FARSB: variants seen among roughly 807,000 people sequenced by gnomAD.
FARSB encodes phenylalanine--tRNA ligase beta subunit.
A neutral mutation model predicts 69.6 loss-of-function variants in FARSB; 40 were observed. The observed-to-expected ratio is 0.57, with a 90% CI of 0.45 to 0.75. The LOEUF is 0.75. Among genes scored for constraint, FARSB ranks in the 30% least tolerant of loss-of-function variants. The pLI is 0.00. For synonymous variants in FARSB, 235 were observed against 247.2 expected, an observed-to-expected ratio of 0.95 and a Z score of 0.46; for missense variants, 632 against 722.9, an observed-to-expected ratio of 0.87 and a Z score of 1.44.
chr2:222,655,875 T>C, intron 1 of FARSB, 141 bp downstream of exon 1: 1 of 673,984 alleles, frequency 1.5e-6, no homozygotes, highest in Non-Finnish European at 2.7e-6. Flanking sequence ...ACCGCCACCA[T>C]CATCGGCCTT....
intron 15 of FARSB, among the ~76,000 whole-genome samples, chr2:222,613,003 C>T (rs1690897666): frequency 6.6e-6 from 1 of 152,176 alleles, no homozygotes. Flanking sequence ...ACTAGAATGA[C>T]ATGATATCAA....
At chr2:222,614,409 C>A (rs1029493746) in intron 14 of FARSB, among the ~76,000 whole-genome samples, 9 of 152,198 alleles carry the variant, frequency 5.9e-5, no homozygotes, top group African/African-American at 1.4e-4. Flanking sequence ...CAGGTACACA[C>A]CACTGCACCC....
intron 15 of FARSB, among the ~76,000 whole-genome samples, chr2:222,600,821 A>C (rs1559197598): frequency 6.6e-6 from 1 of 152,196 alleles, no homozygotes; most frequent in Non-Finnish European, 1.5e-5. Flanking sequence ...TCATATAAGA[A>C]GCTTAGGATA....
intron 16 of FARSB, among the ~76,000 whole-genome samples, chr2:222,590,103 T>A (rs1169340666): frequency 6.6e-6 from 1 of 152,080 alleles, no homozygotes; most frequent in Non-Finnish European, 1.5e-5. Context: ...TAGCAAAGAC[T>A]TGGAACCAAC....
chr2:222,630,141 AC>A lies in FARSB; in HGVS notation c.819del (p.Met273IlefsTer30), dbSNP rs777350879. On this transcript the variant is annotated frameshift_variant, in exon 9 of 17. Coordinates refer to ENST00000281828, the MANE Select transcript of FARSB (RefSeq NM_005687.5). LOFTEE classifies it high-confidence loss of function. Reference protein sequence around the residue: ...AKIVLDIIVTMFSEYCENQFT... With the variant: ...AKIVLDIIVTXFSEYCENQFT... ...AATTGATTCTCACAATATTCACTGA[AC>A]ATGGTGACAATAATATCAAGAACTA... 1 of 1,560,406 alleles carries A rather than the reference AC, an allele frequency of 6.4e-7. No homozygotes were observed. The highest frequency in any genetic ancestry group is 1.4e-5 in the African/African-American group (1 of 71,970).
At chr2:222,626,940 G>C (rs749415819) in intron 10 of FARSB, among the ~76,000 whole-genome samples, 1 of 152,116 alleles carries the variant, frequency 6.6e-6, no homozygotes, top group Non-Finnish European at 1.5e-5. Flanking sequence ...GGAGGCTAAC[G>C]CAGGAGAATG....
chr2:222,591,974 A>T (rs929244316), intron 16 of FARSB, among the ~76,000 whole-genome samples: 2 of 152,226 alleles, frequency 1.3e-5, no homozygotes, highest in Non-Finnish European at 2.9e-5. Context: ...AATTTCACTA[A>T]GAATTTTAAA....
At chr2:222,588,055 A>C (rs79882859) in intron 16 of FARSB, among the ~76,000 whole-genome samples, 42,525 of 151,920 alleles carry the variant, frequency 0.28, 7,121 homozygotes, top group Non-Finnish European at 0.38. Flanking sequence ...GACACAACAA[A>C]AAAAAAGAGA....
intron 15 of FARSB, among the ~76,000 whole-genome samples, chr2:222,600,604 A>T (rs1457375299): frequency 1.3e-5 from 2 of 152,262 alleles, no homozygotes; most frequent in African/African-American, 4.8e-5. Flanking sequence ...ATGATGGTTT[A>T]TCATAACACA....
intron 16 of FARSB, among the ~76,000 whole-genome samples, chr2:222,599,206 C>T (rs1428798087): frequency 1.3e-5 from 2 of 152,090 alleles, no homozygotes; most frequent in Admixed American, 6.6e-5. Context: ...GTGAGGTAAA[C>T]GGTAGGAATA....
At chr2:222,644,984 CAAAA>C (rs59437360) in intron 2 of FARSB, among the ~76,000 whole-genome samples, 7 of 136,780 alleles carry the variant, frequency 5.1e-5, no homozygotes, top group Non-Finnish European at 1.6e-5. Flanking sequence ...AATTCCTTTG[CAAAA>C]AAAAAAAAAG....
intron 1 of FARSB, among the ~76,000 whole-genome samples, chr2:222,653,082 C>A (rs1387277440): frequency 6.6e-6 from 1 of 152,144 alleles, no homozygotes; most frequent in African/African-American, 2.4e-5. Flanking sequence ...AGCTATTACA[C>A]CACGCCAGAA....
In FARSB at chr2:222,585,083, T is replaced by C. The variant is rs183759765; in HGVS notation, c.1619-13061A>G. ...ACCCCCGAGTAACCTAACTAGGAGA[T>C]ACCTCCCAGTAGGGGCCGACTGACA... On this transcript the variant is annotated intron_variant, in intron 16 of 16. Coordinates refer to ENST00000281828, the MANE Select transcript of FARSB (RefSeq NM_005687.5). 9.3e-3 allele frequency among the ~76,000 whole-genome samples: 1,409 copies of C among 152,300 alleles called. 24 individuals carry two copies. The highest frequency in any genetic ancestry group is 0.032 in the African/African-American group (1,328 of 41,556).
intron 16 of FARSB, among the ~76,000 whole-genome samples, chr2:222,574,065 G>A (rs1689777294): frequency 6.6e-6 from 1 of 152,090 alleles, no homozygotes; most frequent in Non-Finnish European, 1.5e-5. Flanking sequence ...TGGAATCTAA[G>A]CCAGATGTGC....
intron 9 of FARSB, among the ~76,000 whole-genome samples, chr2:222,629,885 C>T (rs907051783): frequency 3.9e-5 from 6 of 151,966 alleles, no homozygotes; most frequent in East Asian, 1.9e-4. Context: ...GGACTACAGG[C>T]GCAGGCCACC....
At chr2:222,581,548 C>T (rs969759517) in intron 16 of FARSB, among the ~76,000 whole-genome samples, 1 of 152,110 alleles carries the variant, frequency 6.6e-6, no homozygotes, top group Non-Finnish European at 1.5e-5. Context: ...TAGAATCTTG[C>T]TTGTTAGAAA....
Position 222,604,264 on chromosome 2 carries a change from G to A in FARSB, c.1463-4181C>T, listed in dbSNP as rs184712863. On this transcript the variant is annotated intron_variant, in intron 15 of 16. Coordinates refer to ENST00000281828, the MANE Select transcript of FARSB (RefSeq NM_005687.5). Reference sequence around the variant, plus strand: ...TGCATTGTTGAAATGTTTTTTATATGATAAACAGATGTTTTATTTTCAAAA... The same window carrying A: ...TGCATTGTTGAAATGTTTTTTATATAATAAACAGATGTTTTATTTTCAAAA... Among the ~76,000 whole-genome samples, 732 of 150,966 alleles carry A rather than the reference G, an allele frequency of 4.8e-3. 19 individuals are homozygous for A. Among genetic ancestry groups the A allele is most frequent in the Non-Finnish European group, 7.7e-4 (52 of 67,732 alleles).
At chr2:222,650,892 A>C (rs1207043439) in intron 1 of FARSB, among the ~76,000 whole-genome samples, 1 of 152,176 alleles carries the variant, frequency 6.6e-6, no homozygotes, top group Admixed American at 6.5e-5. Context: ...CTTGTTTTAC[A>C]CTCCTAAGTA....
chr2:222,617,769 GCTA>G (rs1203508897), intron 14 of FARSB, among the ~76,000 whole-genome samples: 2 of 152,194 alleles, frequency 1.3e-5, no homozygotes, highest in Non-Finnish European at 2.9e-5. Context: ...TGTAATCCCA[GCTA>G]CTCGGGAGGC....
Sources: allele counts gnomAD v4.1 joint callset (sites outside exome capture counted in the v4.1 genomes callset), GRCh38; gene constraint gnomAD v4.1.1; transcripts MANE v1.5; gene names NCBI Gene and HGNC (gene_info 2026-07-23, HGNC 2026-07-21).